SYNE3: variants seen among roughly 807,000 people sequenced by gnomAD.
SYNE3 encodes the protein nesprin-3.
In SYNE3, 100 loss-of-function variants were observed where a neutral mutation model predicts 111.2. The observed-to-expected ratio is 0.90, with a 90% CI of 0.77 to 1.06. The LOEUF (loss-of-function observed/expected upper bound fraction) is 1.06. Ranked by LOEUF, SYNE3 falls within the 50% of genes least tolerant of loss-of-function variation. The pLI, the probability that SYNE3 is intolerant of heterozygous loss-of-function variation, is 0.00. For missense variants in SYNE3, 1,160 were observed against 1,240.3 expected (o/e 0.94, Z 0.97); for synonymous variants, 547 against 533.9 (o/e 1.02, Z -0.34).
At chr14:95,472,938 C>A (rs748793800) in intron 2 of SYNE3, among the ~76,000 whole-genome samples, 1 of 152,166 alleles carries the variant, frequency 6.6e-6, no homozygotes, top group Non-Finnish European at 1.5e-5. Flanking sequence ...TCAGAGCCCA[C>A]GTCCCTGTCA....
chr14:95,430,562 G>A (rs1375464731), intron 17 of SYNE3, among the ~76,000 whole-genome samples: 2 of 152,210 alleles, frequency 1.3e-5, no homozygotes, highest in Non-Finnish European at 2.9e-5. Context: ...AGTGGCTCAT[G>A]CCTGTAATCC....
At chr14:95,498,092 G>T (rs1890174132) in intron 1 of SYNE3, among the ~76,000 whole-genome samples, 1 of 151,256 alleles carries the variant, frequency 6.6e-6, no homozygotes, top group Non-Finnish European at 1.5e-5. Flanking sequence ...ACATTTCTAA[G>T]ATTTCAATTT....
Position 95,455,482 on chromosome 14 carries a change from G to C in SYNE3, c.1032C>G (p.Leu344=). Residue 344 remains leucine (L), a synonymous_variant, in exon 6 of 18, where the codon CTC becomes CTG. Transcript: ENST00000682763. ...TCTGCAGGACCATCCTGAACTCACT[G>C]AGCTCAGCCTCCAGCTGCTTAATCT... ...EQQIKQLEAE[L]SEFRMVLQRL... 1 of 1,613,590 alleles carries C rather than the reference G, an allele frequency of 6.2e-7. No individual in the cohort carries two copies. The highest frequency in any genetic ancestry group is 1.3e-5 in the African/African-American group (1 of 75,070).
intron 17 of SYNE3, among the ~76,000 whole-genome samples, chr14:95,430,825 G>GAAA (rs35170615): frequency 2.1e-5 from 3 of 143,846 alleles, no homozygotes; most frequent in Non-Finnish European, 4.5e-5. Flanking sequence ...TGTCTCAAAG[G>GAAA]AAAAAAAAAA....
chr14:95,447,875 A>G (rs1886812356), intron 8 of SYNE3, among the ~76,000 whole-genome samples: 1 of 152,226 alleles, frequency 6.6e-6, no homozygotes. Flanking sequence ...CTGCAAAATA[A>G]GAAAGATCAT....
intron 14 of SYNE3, 93 bp downstream of exon 14, chr14:95,438,940 C>G (rs545537462): frequency 6.5e-7 from 1 of 1,548,308 alleles, no homozygotes; most frequent in Non-Finnish European, 8.8e-7. Flanking sequence ...AGCATGTTGC[C>G]CCAGACAGGG....
intron 7 of SYNE3, 82 bp from the exon 8 acceptor site, chr14:95,450,187 A>C: frequency 2.7e-6 from 4 of 1,478,970 alleles, no homozygotes; most frequent in Non-Finnish European, 2.7e-6. Context: ...CAAGACCCTC[A>C]AGAGGCCCAG....
intron 5 of SYNE3, among the ~76,000 whole-genome samples, chr14:95,456,810 T>C (rs8006376): frequency 0.65 from 98,872 of 151,998 alleles, 34,141 homozygotes; most frequent in African/African-American, 0.9. Flanking sequence ...TAGGTCAGGG[T>C]GTGGTGGCTC....
At chr14:95,431,365 G>A (rs909242359) in intron 17 of SYNE3, among the ~76,000 whole-genome samples, 2 of 152,098 alleles carry the variant, frequency 1.3e-5, no homozygotes, top group African/African-American at 2.4e-5. Context: ...GTTTCCTCGC[G>A]CTGAAAGTTG....
At chr14:95,477,808 T>C (rs1272951386) in intron 1 of SYNE3, among the ~76,000 whole-genome samples, 3 of 152,234 alleles carry the variant, frequency 2.0e-5, no homozygotes, top group African/African-American at 7.2e-5. Context: ...ATGCTTTACT[T>C]GAAAAGTGCA....
Position 95,410,320 on chromosome 14 carries a change from G to A in SYNE3, c.*7506C>T, listed in dbSNP as rs532505669. On this transcript the variant is annotated 3_prime_UTR_variant, in exon 18 of 18. Coordinates refer to ENST00000682763, the MANE Select transcript of SYNE3 (RefSeq NM_152592.6). The stretch of plus-strand genomic sequence containing the variant: ...ACTCTGGTTTTCTCCTCCAATTGTA[G>A]CAGAGACAGCGAAGTGCCACTCCAA... 6.6e-6 allele frequency: 1 copy of A among 152,356 alleles called. No individual in the cohort carries two copies. Among genetic ancestry groups the A allele is most frequent in the East Asian group, 1.9e-4 (1 of 5,178 alleles). The allele number at this position is 152,356 out of a possible 1,614,324, so 9.4% of individuals were successfully genotyped here.
At chr14:95,469,887 G>A (rs1474076832) in intron 2 of SYNE3, among the ~76,000 whole-genome samples, 5 of 127,402 alleles carry the variant, frequency 3.9e-5, no homozygotes, top group South Asian at 2.3e-4. Flanking sequence ...TGATGATGAC[G>A]ATGATGATGA....
rs555367946 is a variant in SYNE3 at position 95,448,644 on chromosome 14, C to T, written c.1449+1287G>A. On this transcript the variant is annotated intron_variant, in intron 8 of 17. Transcript: ENST00000682763. ...CGGAGGTTGCAGTGAGCTGAGATCG[C>T]GCCACTGCACTCCAGCCTGGGTGAT... Among the ~76,000 whole-genome samples, 14 of 152,270 alleles carry T rather than the reference C, an allele frequency of 9.2e-5. No individual in the cohort carries two copies. In the South Asian group the frequency reaches 1.2e-3, roughly 14 times the overall value.
rs1211002440 is a variant in SYNE3, at chr14:95,417,926, A to G, written c.2828T>C (p.Leu943Pro). 7 of 1,614,024 alleles carry G rather than the reference A, an allele frequency of 4.3e-6. No individual in the cohort carries two copies. Among genetic ancestry groups the G allele is most frequent in the Non-Finnish European group, 5.9e-6 (7 of 1,180,036 alleles). ...GCGGTCCTCTTCCCTGATTGGGAGC[A>G]GGAACAGCAGGAGGAGGAACAGCAG... ...LLLLFLLLLF[L>P]LPIREEDRSC... is the part of the protein sequence containing the mutation. The change falls in exon 18 of 18, where the codon CTG becomes CCG. Residue 943 changes from leucine to proline, a missense_variant. By Grantham distance (98) the Leu-to-Pro change is moderately conservative (BLOSUM62 -3). Transcript: ENST00000682763.
At chr14:95,476,163 CAA>C (rs1436800738) in intron 1 of SYNE3, among the ~76,000 whole-genome samples, 1 of 152,240 alleles carries the variant, frequency 6.6e-6, no homozygotes, top group African/African-American at 2.4e-5. Flanking sequence ...GCACGCTCTC[CAA>C]AAGAGGACGT....
chr14:95,427,272 C>A (rs899323849), intron 17 of SYNE3, among the ~76,000 whole-genome samples: 1 of 152,132 alleles, frequency 6.6e-6, no homozygotes, highest in Non-Finnish European at 1.5e-5. Flanking sequence ...GCTTCAGTGC[C>A]AAGGGGAAAC....
chr14:95,444,492 C>T lies in SYNE3; in HGVS notation c.1769G>A (p.Arg590Lys). ...GCCTCACAGACCCCTCACCTGCAAC[C>T]TTGAGAGCTGGGCCTGTTTTCCAGG... ...DLPGKQAQLS[R>K]LQGLQEEGLD... Residue 590 changes from arginine (R) to lysine (K), a missense_variant, in exon 10 of 18, where the codon AGG (arginine) becomes AAG (lysine). Transcript: ENST00000682763. The T allele has an allele frequency of 6.2e-7, 1 of 1,610,684 alleles. No homozygotes were observed. Among genetic ancestry groups the T allele is most frequent in the Non-Finnish European group, 8.5e-7 (1 of 1,178,218 alleles).
chr14:95,476,731 G>T (rs1012576863), intron 1 of SYNE3, among the ~76,000 whole-genome samples: 1 of 152,236 alleles, frequency 6.6e-6, no homozygotes, highest in Non-Finnish European at 1.5e-5. Context: ...TATTCAAAGG[G>T]ATTGTGTCTG....
chr14:95,495,539 A>G (rs1381727335), intron 1 of SYNE3, among the ~76,000 whole-genome samples: 1 of 152,238 alleles, frequency 6.6e-6, no homozygotes, highest in Non-Finnish European at 1.5e-5. Flanking sequence ...GGCACTGGGC[A>G]GACACCATGA....
Sources: allele counts gnomAD v4.1 joint callset (sites outside exome capture counted in the v4.1 genomes callset), GRCh38; gene constraint gnomAD v4.1.1; transcripts MANE v1.5; gene names NCBI Gene and HGNC (gene_info 2026-07-23, HGNC 2026-07-21).